The following KHDRBS2 variants were observed in gnomAD, a reference collection of about 807,000 sequenced individuals.
KHDRBS2 encodes KH RNA binding domain containing, signal transduction associated 2.
In KHDRBS2, 26 loss-of-function variants were observed where a neutral mutation model predicts 44.3. The ratio of observed to expected loss-of-function variants is 0.59; its 90% confidence interval spans 0.43 to 0.81. The LOEUF (loss-of-function observed/expected upper bound fraction) is 0.81, where lower values mean the gene tolerates loss of function less well. Ranked by LOEUF, KHDRBS2 falls within the 40% of genes least tolerant of loss-of-function variation. The pLI, the probability that KHDRBS2 is intolerant of heterozygous loss-of-function variation, is 0.00. For synonymous variants in KHDRBS2, 194 were observed against 151.1 expected (o/e 1.28, Z -2.08); for missense variants, 476 against 433.1 (o/e 1.10, Z -0.88).
chr6:61,909,492 A>G (rs1562421440), intron 4 of KHDRBS2, among the ~76,000 whole-genome samples: 1 of 152,252 alleles, frequency 6.6e-6, no homozygotes, highest in Non-Finnish European at 1.5e-5. Context: ...TAGCAAAGAT[A>G]TTCACAATAA....
chr6:62,020,200 GC>G (rs1781997539), intron 3 of KHDRBS2, among the ~76,000 whole-genome samples: 1 of 151,756 alleles, frequency 6.6e-6, no homozygotes, highest in African/African-American at 2.4e-5. Context: ...CTATTTAATT[GC>G]CAAATATTTG....
At chr6:62,107,011 C>A (rs1430943213) in intron 2 of KHDRBS2, among the ~76,000 whole-genome samples, 4 of 152,086 alleles carry the variant, frequency 2.6e-5, no homozygotes, top group African/African-American at 9.7e-5. Context: ...AAACTGGAAA[C>A]ACTCCCTTTG....
intron 3 of KHDRBS2, 119 bp from the exon 4 acceptor site, chr6:61,978,331 A>G: frequency 3.0e-6 from 2 of 677,830 alleles, no homozygotes; most frequent in East Asian, 3.2e-5. Flanking sequence ...TGCTTCCATA[A>G]TTTTCTCAAA....
intron 1 of KHDRBS2, among the ~76,000 whole-genome samples, chr6:62,255,605 A>AACACACAC (rs60498757): frequency 1.4e-4 from 19 of 137,510 alleles, no homozygotes; most frequent in South Asian, 7.6e-4. Context: ...CATGCTTTAA[A>AACACACAC]ACACACACAC....
intron 6 of KHDRBS2, among the ~76,000 whole-genome samples, chr6:61,870,180 A>G (rs1798450945): frequency 6.6e-6 from 1 of 152,010 alleles, no homozygotes; most frequent in Non-Finnish European, 1.5e-5. Context: ...TGGACCTGGG[A>G]TGCTCGAGCT....
chr6:61,955,765 A>C (rs890918008), intron 4 of KHDRBS2, among the ~76,000 whole-genome samples: 1 of 151,674 alleles, frequency 6.6e-6, no homozygotes, highest in African/African-American at 2.4e-5. Flanking sequence ...GAGAGAGAGA[A>C]TGTAACCACT....
intron 1 of KHDRBS2, among the ~76,000 whole-genome samples, chr6:62,242,753 G>A (rs1454714061): frequency 2.0e-5 from 3 of 152,134 alleles, no homozygotes; most frequent in Non-Finnish European, 2.9e-5. Context: ...CCTTACAAGT[G>A]GAGAACTGAA....
chr6:62,200,421 T>C (rs896843764), intron 1 of KHDRBS2, among the ~76,000 whole-genome samples: 2 of 151,836 alleles, frequency 1.3e-5, no homozygotes, highest in African/African-American at 2.4e-5. Context: ...AACAAGTGGG[T>C]GAAGGATATG....
intron 2 of KHDRBS2, among the ~76,000 whole-genome samples, chr6:62,051,089 TTGTC>T (rs1318280920): frequency 6.6e-6 from 1 of 152,050 alleles, no homozygotes; most frequent in African/African-American, 2.4e-5. Flanking sequence ...ATAAGAGTGG[TTGTC>T]TGTTGAGAAC....
intron 1 of KHDRBS2, among the ~76,000 whole-genome samples, chr6:62,281,796 GA>G (rs748075713): frequency 6.6e-6 from 1 of 151,410 alleles, no homozygotes; most frequent in African/African-American, 2.4e-5. Context: ...CAGAGAGGTG[GA>G]AAAAAAATGA....
the KHDRBS2 span, among the ~76,000 whole-genome samples, chr6:61,598,693 G>C: frequency 6.6e-6 from 1 of 152,020 alleles, no homozygotes; most frequent in Non-Finnish European, 1.5e-5. Context: ...ATCTACTTAA[G>C]AATTTATTGT....
intron 6 of KHDRBS2, among the ~76,000 whole-genome samples, chr6:61,846,170 A>G (rs538080543): frequency 1.3e-5 from 2 of 152,318 alleles, no homozygotes; most frequent in South Asian, 2.1e-4. Context: ...CTGTGAGCCA[A>G]TTAAACCCTT....
At chr6:61,728,294 G>T (rs1019151364) in intron 7 of KHDRBS2, among the ~76,000 whole-genome samples, 7 of 151,932 alleles carry the variant, frequency 4.6e-5, no homozygotes, top group African/African-American at 1.7e-4. Flanking sequence ...TTGGAGGGGG[G>T]TTGTGGAGGG....
chr6:61,701,203 A>G (rs1768601020), intron 7 of KHDRBS2, among the ~76,000 whole-genome samples: 2 of 151,934 alleles, frequency 1.3e-5, no homozygotes, highest in African/African-American at 4.8e-5. Context: ...GATCCTTGCT[A>G]CTTTTTAGAA....
chr6:61,632,423 T>C, the KHDRBS2 span, among the ~76,000 whole-genome samples: 1 of 152,130 alleles, frequency 6.6e-6, no homozygotes, highest in Non-Finnish European at 1.5e-5. Context: ...CTTCATGAAT[T>C]AGAATGTGCA....
chr6:62,011,233 G>A (rs1266089183), intron 3 of KHDRBS2, among the ~76,000 whole-genome samples: 1 of 152,076 alleles, frequency 6.6e-6, no homozygotes, highest in Non-Finnish European at 1.5e-5. Context: ...GAATGAATGA[G>A]GTAGAAATGA....
At chr6:61,624,646 C>A in the KHDRBS2 span, among the ~76,000 whole-genome samples, 1 of 152,250 alleles carries the variant, frequency 6.6e-6, no homozygotes, top group South Asian at 2.1e-4. Flanking sequence ...TACCACAACA[C>A]CCAGAGGCAG....
intron 6 of KHDRBS2, among the ~76,000 whole-genome samples, chr6:61,829,407 G>A (rs1182593275): frequency 1.3e-5 from 2 of 152,102 alleles, no homozygotes; most frequent in African/African-American, 2.4e-5. Context: ...CAGGGAATCT[G>A]CCTGCCTTGG....
intron 4 of KHDRBS2, among the ~76,000 whole-genome samples, chr6:61,919,382 T>C (rs1044262539): frequency 6.6e-6 from 1 of 151,790 alleles, no homozygotes; most frequent in Non-Finnish European, 1.5e-5. Flanking sequence ...TAGCTCACAT[T>C]ATAGCAAAAT....
Sources: gnomAD v4.1 joint callset for allele counts (sites outside exome capture counted in the v4.1 genomes callset) on GRCh38, gnomAD v4.1.1 for gene constraint, MANE v1.5 for transcripts, NCBI Gene and HGNC (gene_info 2026-07-23, HGNC 2026-07-21) for gene names.